GAS7: variants seen among roughly 807,000 people sequenced by gnomAD.
GAS7 encodes growth arrest specific 7.
In GAS7, 28 loss-of-function variants were observed where a neutral mutation model predicts 71.1. The ratio of observed to expected loss-of-function variants is 0.39; its 90% CI spans 0.29 to 0.54. The LOEUF (loss-of-function observed/expected upper bound fraction) is 0.54. Among genes scored for constraint, GAS7 ranks in the 20% least tolerant of loss-of-function variants. GAS7 has a pLI of 0.62. For missense variants in GAS7, 436 were observed against 627.8 expected (o/e 0.69, Z 3.27); for synonymous variants, 258 against 245.8 (o/e 1.05, Z -0.46).
At position 9,974,625 on chromosome 17, in the gene GAS7, AC is replaced by A. The variant is rs2070112297; in HGVS notation, c.386-4864del. On this transcript the variant is annotated intron_variant, in intron 3 of 13. Coordinates refer to ENST00000432992, the MANE Select transcript of GAS7 (RefSeq NM_201433.2). The surrounding 1 kb of genome is among the most constrained non-coding windows in gnomAD (Gnocchi z 4.0). ...GCAGCTTCAAATATAAATAATACAC[AC>A]AGGCACCCACACACTTCATTTCCCT... is the stretch of plus-strand genomic sequence containing the variant. Among the ~76,000 whole-genome samples the A allele has an allele frequency of 6.6e-6, 1 of 152,182 alleles. No homozygotes were observed. The highest frequency in any genetic ancestry group is 6.5e-5 in the Admixed American group (1 of 15,280).
In GAS7 at chr17:10,026,072, C is replaced by T. The variant is rs1053059402; in HGVS notation, c.184-6175G>A. Reference sequence around the variant, plus strand: ...TACCGCTCCCACCATGCTTCAAGCTCAAGTTCAACCCGGATGCCACCTCCA... The same window carrying T: ...TACCGCTCCCACCATGCTTCAAGCTTAAGTTCAACCCGGATGCCACCTCCA... On this transcript the variant is annotated intron_variant, in intron 1 of 13. Coordinates refer to ENST00000432992, the MANE Select transcript of GAS7 (RefSeq NM_201433.2). This position sits in a 1 kb window ranked among gnomAD's most constrained non-coding sequence, Gnocchi z 4.5. The T allele has an allele frequency of 1.5e-5, 11 of 710,608 alleles. No individual in the cohort carries two copies. The highest frequency in any genetic ancestry group is 1.9e-5 in the Non-Finnish European group (11 of 578,972). The allele number at this position is 710,608 out of a possible 1,614,324, so 44.0% of individuals were successfully genotyped here. A position where few individuals can be genotyped will look rare whatever the true frequency, so the allele number is the denominator to read the frequency against.
intron 6 of GAS7, among the ~76,000 whole-genome samples, chr17:9,943,439 C>T (rs1200739419): frequency 2.6e-5 from 4 of 152,178 alleles, no homozygotes; most frequent in African/African-American, 7.2e-5. Flanking sequence ...TGCTCAGGCT[C>T]TTACAGTTGC....
At chr17:10,070,185 TC>T (rs1255489599) in intron 1 of GAS7, among the ~76,000 whole-genome samples, 1 of 151,884 alleles carries the variant, frequency 6.6e-6, no homozygotes. Context: ...CACTCCTCTA[TC>T]CCCAGTCTTG....
In GAS7 at chr17:10,198,256, C is replaced by T. The variant is rs2074555662; in HGVS notation, c.135G>A (p.Glu45=). The T allele has an allele frequency of 6.2e-7, 1 of 1,607,482 alleles. No individual in the cohort carries two copies. Residue 45 remains glutamate, a synonymous_variant, in exon 1 of 14, where the codon GAG becomes GAA. Coordinates refer to ENST00000432992, the MANE Select transcript of GAS7 (RefSeq NM_201433.2). ...CCGGGAACCAGCCACGGAGCCCGTCCTCCTTCTCGCCTTCCCACCAGCCGC... is the reference window on the plus strand; with the variant it reads ...CCGGGAACCAGCCACGGAGCCCGTCTTCCTTCTCGCCTTCCCACCAGCCGC... ...PDGGWWEGEK[E]DGLRGWFPAS...
At chr17:10,011,290 T>C (rs1224204335) in intron 2 of GAS7, among the ~76,000 whole-genome samples, 25 of 152,246 alleles carry the variant, frequency 1.6e-4, no homozygotes, top group Admixed American at 1.6e-3. Flanking sequence ...TCACTCTGCA[T>C]GGTGGAATCT....
Position 10,081,867 on chromosome 17 carries a change from C to A in GAS7, c.184-61970G>T, listed in dbSNP as rs75157165. Among the ~76,000 whole-genome samples the A allele has an allele frequency of 4.5e-4, 68 of 152,288 alleles. 1 individual carries two copies. In the East Asian group the frequency reaches 8.7e-3, roughly 19 times the overall value. ...ACAATTTGACACTATTTAGGAAAGT[C>A]CAGATGTACATTCTCAGACCCAGAT... On this transcript the variant is annotated intron_variant, in intron 1 of 13. Coordinates refer to ENST00000432992, the MANE Select transcript of GAS7 (RefSeq NM_201433.2).
Position 10,021,936 on chromosome 17 carries a change from G to A in GAS7, c.184-2039C>T, listed in dbSNP as rs114843915. 1.6e-3 allele frequency among the ~76,000 whole-genome samples: 239 copies of A among 152,210 alleles called. 3 individuals are homozygous for A. The highest frequency in any genetic ancestry group is 5.4e-3 in the African/African-American group (225 of 41,558). On this transcript the variant is annotated intron_variant, in intron 1 of 13. Transcript: ENST00000432992. ...GTCCAATAGGATTAGAAATAAAGTCGGCATGGGTGGGGGGTCAGGGGATTA... is the reference window on the plus strand; with the variant it reads ...GTCCAATAGGATTAGAAATAAAGTCAGCATGGGTGGGGGGTCAGGGGATTA...
At chr17:10,161,495 G>A (rs997378257) in intron 1 of GAS7, among the ~76,000 whole-genome samples, 15 of 152,216 alleles carry the variant, frequency 9.9e-5, no homozygotes, top group Non-Finnish European at 2.1e-4. Flanking sequence ...TACAGTAGGT[G>A]CCATCTTGTC....
At chr17:10,066,276 G>A (rs1157717862) in intron 1 of GAS7, among the ~76,000 whole-genome samples, 2 of 152,174 alleles carry the variant, frequency 1.3e-5, no homozygotes, top group African/African-American at 4.8e-5. Context: ...CGCCTCCCGG[G>A]TTCAAGCGAT....
rs1200874429 is a variant in GAS7 at position 9,969,752 on chromosome 17, G to A, written c.396C>T (p.Tyr132=). ...RSSLPPTVNG[Y]HASGTPAHPP... is the part of the protein sequence containing the mutation. ...GGTGCGCTGGGGTCCCTGATGCGTG[G>A]TATCCATTCACTGCAGGGACAGAGA... The change falls in exon 4 of 14, where the codon TAC becomes TAT. Residue 132 remains tyrosine, a synonymous_variant. Coordinates refer to ENST00000432992, the MANE Select transcript of GAS7 (RefSeq NM_201433.2). This position sits in a 1 kb window ranked among gnomAD's most constrained non-coding sequence, Gnocchi z 5.5. The A allele has an allele frequency of 5.6e-6, 9 of 1,607,638 alleles. No homozygotes were observed. The highest frequency in any genetic ancestry group is 7.7e-6 in the Non-Finnish European group (9 of 1,174,212).
chr17:10,175,816 C>A (rs910746929), intron 1 of GAS7, among the ~76,000 whole-genome samples: 4 of 152,180 alleles, frequency 2.6e-5, no homozygotes, highest in Admixed American at 2.6e-4. Context: ...TTTAACTTAC[C>A]TCTTTAAAGA....
At chr17:9,986,392 C>A (rs1209965895) in intron 2 of GAS7, among the ~76,000 whole-genome samples, 1 of 152,188 alleles carries the variant, frequency 6.6e-6, no homozygotes, top group Non-Finnish European at 1.5e-5. Flanking sequence ...CATCCTTGCA[C>A]CCATTCATCC....
intron 1 of GAS7, among the ~76,000 whole-genome samples, chr17:10,122,490 A>G (rs537933127): frequency 6.6e-6 from 1 of 152,296 alleles, no homozygotes; most frequent in Admixed American, 6.5e-5. Context: ...GACCCGACTC[A>G]ACAACAACTC....
chr17:10,032,543 T>A (rs2072647113), intron 1 of GAS7, among the ~76,000 whole-genome samples: 1 of 152,192 alleles, frequency 6.6e-6, no homozygotes, highest in South Asian at 2.1e-4. Context: ...TTTCCTCATC[T>A]GTGAAATGGG....
chr17:10,052,886 T>C (rs1181409734), intron 1 of GAS7, among the ~76,000 whole-genome samples: 1 of 152,158 alleles, frequency 6.6e-6, no homozygotes, highest in Non-Finnish European at 1.5e-5. Context: ...CTCCTTTGGG[T>C]GGCCTGAGAT....
chr17:10,089,495 G>A (rs562834115), intron 1 of GAS7, among the ~76,000 whole-genome samples: 7 of 149,352 alleles, frequency 4.7e-5, no homozygotes, highest in South Asian at 4.2e-4. Flanking sequence ...TTCCTCCTAC[G>A]GGTTCAGAGA....
At chr17:10,010,559 C>T (rs922162380) in intron 2 of GAS7, among the ~76,000 whole-genome samples, 1 of 152,078 alleles carries the variant, frequency 6.6e-6, no homozygotes, top group African/African-American at 2.4e-5. Flanking sequence ...CTACAGATAC[C>T]CTCAACTTAT....
intron 1 of GAS7, among the ~76,000 whole-genome samples, chr17:10,158,654 T>A (rs2074225251): frequency 6.6e-6 from 1 of 152,006 alleles, no homozygotes; most frequent in Admixed American, 6.6e-5. Flanking sequence ...AAAACAAGTA[T>A]AAGAAAATGT....
chr17:10,190,679 T>C lies in GAS7; in HGVS notation c.183+7529A>G, dbSNP rs528208785. 3.6e-4 allele frequency among the ~76,000 whole-genome samples: 54 copies of C among 151,754 alleles called. No homozygotes were observed. The South Asian group carries it at 4.0e-3, about 11-fold the overall frequency. ...AGGAGAGGAAAGGTAAGGGGAGAGA[T>C]ATCAGGGAACTTGGTGGACAGATGG... On this transcript the variant is annotated intron_variant, in intron 1 of 13. Transcript: ENST00000432992.
Sources: allele counts gnomAD v4.1 joint callset (sites outside exome capture counted in the v4.1 genomes callset), GRCh38; gene constraint gnomAD v4.1.1; non-coding constraint Gnocchi (gnomAD v3.1); transcripts MANE v1.5; gene names NCBI Gene and HGNC (gene_info 2026-07-23, HGNC 2026-07-21).